The following JAK2 variants were observed in gnomAD, a reference collection of about 807,000 sequenced individuals.
JAK2 encodes tyrosine-protein kinase JAK2.
JAK2 carries 86 observed loss-of-function variants against 139.3 expected under a neutral mutation model. The ratio of observed to expected loss-of-function variants is 0.62; its 90% confidence interval spans 0.52 to 0.74. The LOEUF is 0.74. JAK2 is among the 30% of genes least tolerant of loss of function. JAK2 has a pLI of 0.00. For synonymous variants in JAK2, 490 were observed against 437.7 expected (o/e 1.12, Z -1.49); for missense variants, 1,421 against 1,360.3 (o/e 1.04, Z -0.70).
At chr9:5,015,050 A>G (rs1448637300) in intron 2 of JAK2, among the ~76,000 whole-genome samples, 2 of 152,120 alleles carry the variant, frequency 1.3e-5, no homozygotes, top group Non-Finnish European at 2.9e-5. Context: ...AGTTTTCTAT[A>G]ATTTACTGCT....
intron 4 of JAK2, among the ~76,000 whole-genome samples, chr9:5,031,364 C>T (rs1823133321): frequency 6.6e-6 from 1 of 152,250 alleles, no homozygotes; most frequent in Non-Finnish European, 1.5e-5. Flanking sequence ...AATTCAGAAT[C>T]ATAAACTAAA....
intron 2 of JAK2, among the ~76,000 whole-genome samples, chr9:4,998,741 CAAAAA>C (rs147867540): frequency 1.2e-4 from 17 of 143,770 alleles, no homozygotes; most frequent in Non-Finnish European, 1.7e-4. Flanking sequence ...CCACAAAAAA[CAAAAA>C]AAAAAACAAC....
intron 2 of JAK2, among the ~76,000 whole-genome samples, chr9:5,011,119 T>C (rs1457865442): frequency 6.6e-6 from 1 of 152,212 alleles, no homozygotes; most frequent in Non-Finnish European, 1.5e-5. Context: ...TGGATTCAGA[T>C]GAACTTTTTG....
intron 14 of JAK2, among the ~76,000 whole-genome samples, chr9:5,074,028 G>A (rs959614587): frequency 6.6e-6 from 1 of 152,136 alleles, no homozygotes; most frequent in African/African-American, 2.4e-5. Flanking sequence ...GTAAACAAAT[G>A]TCTATAAAAC....
intron 3 of JAK2, among the ~76,000 whole-genome samples, chr9:5,027,220 T>C (rs1407973723): frequency 2.6e-5 from 4 of 152,208 alleles, no homozygotes; most frequent in Admixed American, 6.5e-5. Context: ...CTCGGAGATA[T>C]TGTGGGTTTG....
rs184233711 is a variant in JAK2, at chr9:5,032,859, G to A, written c.350+2953G>A. 1.3e-3 allele frequency among the ~76,000 whole-genome samples: 202 copies of A among 152,330 alleles called. 1 individual carries two copies. The highest frequency in any genetic ancestry group is 4.2e-3 in the African/African-American group (173 of 41,556). On this transcript the variant is annotated intron_variant, in intron 4 of 24. Transcript: ENST00000381652. ...AGCACCTCTCCTCCTCCAAAGGAAC[G>A]CAGCTCCTTACCAGCAACGGAACAA...
intron 5 of JAK2, among the ~76,000 whole-genome samples, chr9:5,048,302 C>T (rs544386910): frequency 3.2e-4 from 48 of 151,986 alleles, no homozygotes; most frequent in African/African-American, 8.9e-4. Flanking sequence ...CCACTACGCC[C>T]GGCTAATTTT....
intron 2 of JAK2, among the ~76,000 whole-genome samples, chr9:5,016,307 T>A (rs1050138262): frequency 3.3e-5 from 5 of 152,116 alleles, no homozygotes; most frequent in Admixed American, 3.3e-4. Flanking sequence ...CCTGCTGTTA[T>A]AAGACCTGGT....
intron 19 of JAK2, chr9:5,085,625 C>G (rs761403088): frequency 1.4e-6 from 1 of 709,548 alleles, no homozygotes; most frequent in East Asian, 2.5e-5. Flanking sequence ...CCAGCAAGGA[C>G]AGCCTTCTTT....
intron 4 of JAK2, among the ~76,000 whole-genome samples, chr9:5,037,991 G>T (rs536080798): frequency 6.6e-6 from 1 of 152,046 alleles, no homozygotes; most frequent in African/African-American, 2.4e-5. Context: ...AATATATAGC[G>T]TCACTAGTTA....
At chr9:5,025,978 CT>C (rs1432757499) in intron 3 of JAK2, among the ~76,000 whole-genome samples, 1 of 152,072 alleles carries the variant, frequency 6.6e-6, no homozygotes, top group African/African-American at 2.4e-5. Context: ...TATAATTATG[CT>C]TTTTAAAAGT....
chr9:5,066,556 T>C (rs1315149174), intron 9 of JAK2, 122 bp from the exon 10 acceptor site: 8 of 621,898 alleles, frequency 1.3e-5, no homozygotes, highest in African/African-American at 9.5e-5. Flanking sequence ...TTGCTAAACA[T>C]ATAAAGTAGA....
At chr9:5,013,235 A>C (rs1389629465) in intron 2 of JAK2, among the ~76,000 whole-genome samples, 1 of 152,130 alleles carries the variant, frequency 6.6e-6, no homozygotes, top group Non-Finnish European at 1.5e-5. Context: ...AAAAAATAGG[A>C]GTGGTCTTTA....
chr9:5,059,231 C>T (rs2130446287), intron 8 of JAK2, among the ~76,000 whole-genome samples: 1 of 152,278 alleles, frequency 6.6e-6, no homozygotes, highest in South Asian at 2.1e-4. Context: ...CCCACATATT[C>T]ACCTCCACCC....
intron 22 of JAK2, chr9:5,099,154 G>A (rs1821265093): frequency 6.6e-6 from 1 of 151,974 alleles, no homozygotes; most frequent in Non-Finnish European, 1.5e-5. Context: ...CCCCTTATTA[G>A]GCCTCAAAAC....
At chr9:5,020,869 A>G (rs985700715) in intron 2 of JAK2, among the ~76,000 whole-genome samples, 15 of 152,218 alleles carry the variant, frequency 9.9e-5, no homozygotes, top group Admixed American at 7.2e-4. Context: ...GTTGGGCTCC[A>G]GGGTAGGAGG....
intron 4 of JAK2, among the ~76,000 whole-genome samples, chr9:5,036,012 T>C (rs1823569836): frequency 6.6e-6 from 1 of 152,220 alleles, no homozygotes; most frequent in Non-Finnish European, 1.5e-5. Flanking sequence ...CTCCTTAAGC[T>C]GATAAGCAAC....
At chr9:4,994,337 A>G (rs1329012607) in intron 2 of JAK2, among the ~76,000 whole-genome samples, 1 of 152,144 alleles carries the variant, frequency 6.6e-6, no homozygotes, top group African/African-American at 2.4e-5. Flanking sequence ...TTCCTAACCC[A>G]CTGGTTCTTA....
At chr9:5,065,953 G>T (rs527962500) in intron 9 of JAK2, among the ~76,000 whole-genome samples, 2 of 152,214 alleles carry the variant, frequency 1.3e-5, no homozygotes, top group East Asian at 3.9e-4. Context: ...TGTACTACTT[G>T]AACTTTATGT....
Sources: gnomAD v4.1 joint callset for allele counts (sites outside exome capture counted in the v4.1 genomes callset) on GRCh38, gnomAD v4.1.1 for gene constraint, MANE v1.5 for transcripts, NCBI Gene and HGNC (gene_info 2026-07-23, HGNC 2026-07-21) for gene names.